L3MBTL4: variants seen among roughly 807,000 people sequenced by gnomAD.
The protein encoded by L3MBTL4 is L3MBTL histone methyl-lysine binding protein 4.
L3MBTL4 carries 70 observed loss-of-function variants against 84.5 expected under a neutral mutation model. The ratio of observed to expected loss-of-function variants is 0.83; its 90% CI spans 0.68 to 1.01. The LOEUF (loss-of-function observed/expected upper bound fraction) is 1.01. Ranked by LOEUF, L3MBTL4 falls within the 50% of genes least tolerant of loss-of-function variation. The probability of loss-of-function intolerance (pLI) is 0.00; values close to 1 mark genes in which losing one functional copy is unlikely to be tolerated. For missense variants in L3MBTL4, 715 were observed against 754.8 expected, an observed-to-expected ratio of 0.95 and a Z score of 0.62; for synonymous variants, 274 against 259.8, an observed-to-expected ratio of 1.05 and a Z score of -0.52.
chr18:6,380,482 C>A (rs1244197970), intron 1 of L3MBTL4, among the ~76,000 whole-genome samples: 1 of 152,206 alleles, frequency 6.6e-6, no homozygotes, highest in Admixed American at 6.5e-5. Context: ...CTACACACTG[C>A]TTTAAATGTG....
At chr18:6,070,282 T>C (rs1029513464) in intron 16 of L3MBTL4, among the ~76,000 whole-genome samples, 1 of 152,072 alleles carries the variant, frequency 6.6e-6, no homozygotes, top group Non-Finnish European at 1.5e-5. Context: ...AAAAATCTTA[T>C]AAGTAATCAG....
At chr18:6,289,117 A>G (rs1034863195) in intron 4 of L3MBTL4, among the ~76,000 whole-genome samples, 1 of 152,094 alleles carries the variant, frequency 6.6e-6, no homozygotes, top group Non-Finnish European at 1.5e-5. Flanking sequence ...AAAAAGAGAA[A>G]AATTGTAGGA....
chr18:6,379,177 G>A (rs1039217426), intron 1 of L3MBTL4, among the ~76,000 whole-genome samples: 3 of 152,144 alleles, frequency 2.0e-5, no homozygotes, highest in Non-Finnish European at 4.4e-5. Context: ...TTTATCCTGA[G>A]ACTTTACTGA....
chr18:6,007,754 CT>C (rs2054557691), intron 16 of L3MBTL4, among the ~76,000 whole-genome samples: 1 of 152,154 alleles, frequency 6.6e-6, no homozygotes, highest in Non-Finnish European at 1.5e-5. Context: ...CAGTGGAACA[CT>C]ACCATGGAGC....
intron 16 of L3MBTL4, among the ~76,000 whole-genome samples, chr18:5,984,566 A>AT (rs1273095360): frequency 2.6e-5 from 4 of 152,092 alleles, no homozygotes; most frequent in African/African-American, 4.8e-5. Flanking sequence ...ATAACTGAAT[A>AT]TTTTTTTGGG....
At position 5,975,962 on chromosome 18, in the gene L3MBTL4, C is replaced by G. The variant is rs144877582; in HGVS notation, c.1445-6400G>C. ...CTAATTTTAGCTATTGGTCTTCCCT[C>G]ATCACAAGCAGTCTCTTAACCAATT... is the stretch of plus-strand genomic sequence containing the variant. On this transcript the variant is annotated intron_variant, in intron 16 of 18. Coordinates refer to ENST00000317931, the MANE Select transcript of L3MBTL4 (RefSeq NM_001330559.2). Among the ~76,000 whole-genome samples, 33 of 152,342 alleles carry G rather than the reference C, an allele frequency of 2.2e-4. No individual in the cohort carries two copies. In the East Asian group the frequency reaches 6.2e-3, roughly 28 times the overall value.
At chr18:6,323,979 G>T (rs1014423787) in intron 1 of L3MBTL4, among the ~76,000 whole-genome samples, 43 of 149,312 alleles carry the variant, frequency 2.9e-4, no homozygotes, top group African/African-American at 1.1e-3. Flanking sequence ...TCACACCCAG[G>T]GGCCTCTGCT....
chr18:6,089,828 G>T (rs1292312194), intron 15 of L3MBTL4, among the ~76,000 whole-genome samples: 1 of 152,182 alleles, frequency 6.6e-6, no homozygotes, highest in African/African-American at 2.4e-5. Context: ...CAATATGATT[G>T]CTAATGTACT....
At chr18:6,375,697 A>G (rs530030908) in intron 1 of L3MBTL4, among the ~76,000 whole-genome samples, 20 of 152,272 alleles carry the variant, frequency 1.3e-4, no homozygotes, top group Non-Finnish European at 2.6e-4. Context: ...TGAGATGACA[A>G]TGGCTTAACT....
intron 1 of L3MBTL4, among the ~76,000 whole-genome samples, chr18:6,317,437 A>G (rs2051165074): frequency 6.6e-6 from 1 of 152,172 alleles, no homozygotes; most frequent in African/African-American, 2.4e-5. Flanking sequence ...GAAATGAAAG[A>G]CACACTTAGG....
At chr18:6,058,463 A>T (rs375858648) in intron 16 of L3MBTL4, among the ~76,000 whole-genome samples, 45 of 152,168 alleles carry the variant, frequency 3.0e-4, no homozygotes, top group African/African-American at 1.0e-3. Context: ...ACTATGAATC[A>T]GGGAAGTTTT....
chr18:6,323,789 GA>G (rs2051558865), intron 1 of L3MBTL4, among the ~76,000 whole-genome samples: 1 of 152,222 alleles, frequency 6.6e-6, no homozygotes, highest in African/African-American at 2.4e-5. Context: ...TGGTAGAAAA[GA>G]AAAGACCATT....
chr18:6,152,524 G>A (rs1341081532), intron 13 of L3MBTL4, among the ~76,000 whole-genome samples: 1 of 152,064 alleles, frequency 6.6e-6, no homozygotes, highest in Non-Finnish European at 1.5e-5. Flanking sequence ...TGGCCCTGCT[G>A]TCCATCTGTA....
Position 5,969,575 on chromosome 18 carries a change from T to A in L3MBTL4, c.1445-13A>T, listed in dbSNP as rs1449030933. ...TCCACCGAGTATTCTGTAAGAGAGG[T>A]GGGGTGGGGTGAGGCTCAGGCTCCC... is the stretch of plus-strand genomic sequence containing the variant. On this transcript the variant is annotated splice_polypyrimidine_tract_variant and intron_variant, in intron 16 of 18. Transcript: ENST00000317931. The A allele has an allele frequency of 6.3e-7, 1 of 1,577,676 alleles. No individual in the cohort carries two copies. The highest frequency in any genetic ancestry group is 8.6e-7 in the Non-Finnish European group (1 of 1,158,634).
intron 1 of L3MBTL4, among the ~76,000 whole-genome samples, chr18:6,389,755 C>T (rs1217973862): frequency 2.0e-5 from 3 of 151,998 alleles, no homozygotes; most frequent in Non-Finnish European, 4.4e-5. Flanking sequence ...AAACTATCAC[C>T]CTAAATATAT....
chr18:6,166,159 GA>G (rs2145108944), intron 13 of L3MBTL4, among the ~76,000 whole-genome samples: 1 of 152,230 alleles, frequency 6.6e-6, no homozygotes, highest in African/African-American at 2.4e-5. Context: ...CCCAATACAG[GA>G]GCACCCAGAT....
At chr18:6,205,275 T>C (rs2045824166) in intron 12 of L3MBTL4, among the ~76,000 whole-genome samples, 2 of 152,180 alleles carry the variant, frequency 1.3e-5, no homozygotes, top group Non-Finnish European at 2.9e-5. Context: ...AGGTGGCCTC[T>C]AGAAGACAGA....
At chr18:6,025,732 T>A (rs1234607088) in intron 16 of L3MBTL4, among the ~76,000 whole-genome samples, 1 of 151,908 alleles carries the variant, frequency 6.6e-6, no homozygotes, top group East Asian at 1.9e-4. Flanking sequence ...GGCATTAGAG[T>A]CCCATATGGA....
At chr18:6,377,142 A>G (rs2054401670) in intron 1 of L3MBTL4, among the ~76,000 whole-genome samples, 1 of 152,144 alleles carries the variant, frequency 6.6e-6, no homozygotes, top group South Asian at 2.1e-4. Flanking sequence ...CACCAGGAGC[A>G]CTGTGTTGTA....
Sources: allele counts gnomAD v4.1 joint callset (sites outside exome capture counted in the v4.1 genomes callset), GRCh38; gene constraint gnomAD v4.1.1; transcripts MANE v1.5; gene names NCBI Gene and HGNC (gene_info 2026-07-23, HGNC 2026-07-21).